The following SRPX variants were observed in gnomAD, a reference collection of about 807,000 sequenced individuals.
SRPX encodes the protein sushi repeat-containing protein SRPX.
A neutral mutation model predicts 38.1 loss-of-function variants in SRPX; 24 were observed. That is an observed-to-expected ratio of 0.63 (90% CI 0.46 to 0.89). SRPX has a LOEUF of 0.89. Among genes scored for constraint, SRPX ranks in the 40% least tolerant of loss-of-function variants. The pLI, the probability that SRPX is intolerant of heterozygous loss-of-function variation, is 0.00. For missense variants in SRPX, 416 were observed against 377.8 expected (o/e 1.10, Z -0.84); for synonymous variants, 184 against 153.8 (o/e 1.20, Z -1.45).
rs1269719742 is a variant in SRPX, at chrX:38,199,426, TA to T, written c.98-21083del. The stretch of plus-strand genomic sequence containing the variant: ...ATCTCAAAAAAATAATAATAATAAT[TA>T]AAAAAAATAAAAAAAGTGTGATATT... On this transcript the variant is annotated intron_variant, in intron 1 of 9. Coordinates refer to ENST00000378533, the MANE Select transcript of SRPX (RefSeq NM_006307.5). Among the ~76,000 whole-genome samples, 357 of 107,968 alleles carry T rather than the reference TA, an allele frequency of 3.3e-3. 1 individual carries two copies. The highest frequency in any genetic ancestry group is 5.7e-3 in the Non-Finnish European group (299 of 52,035). The allele number at this position is 107,968 out of a possible 115,157, so 93.8% of individuals were successfully genotyped here. A position where few individuals can be genotyped will look rare whatever the true frequency, so the allele number is the denominator to read the frequency against.
intron 1 of SRPX, among the ~76,000 whole-genome samples, chrX:38,186,974 T>C (rs1221573764): frequency 1.8e-5 from 2 of 111,570 alleles, no homozygotes; most frequent in Non-Finnish European, 3.8e-5. Flanking sequence ...CAACAAACCA[T>C]AAGCTTTGCT....
rs1018467944 is a variant in SRPX, at chrX:38,200,464, A to T, written c.97+20232T>A. ...TAAAGCAGAAGAAGGACACTGTCTT[A>T]GTCCATTGTCTGTTGTTAAAATACC... On this transcript the variant is annotated intron_variant, in intron 1 of 9. Coordinates refer to ENST00000378533, the MANE Select transcript of SRPX (RefSeq NM_006307.5). Among the ~76,000 whole-genome samples, 10 of 112,349 alleles carry T rather than the reference A, an allele frequency of 8.9e-5. No homozygotes were observed. In the East Asian group the frequency reaches 2.5e-3, roughly 28 times the overall value.
chrX:38,154,263 A>G (rs1160666924), intron 9 of SRPX, among the ~76,000 whole-genome samples, 199 bp downstream of exon 9: 1 of 111,910 alleles, frequency 8.9e-6, no homozygotes, highest in Admixed American at 9.5e-5. Flanking sequence ...AAGAAAGAAC[A>G]CTGGTAATTA....
In SRPX at chrX:38,213,439, T is replaced by C. The variant is rs142935209; in HGVS notation, c.97+7257A>G. 3.1e-3 allele frequency among the ~76,000 whole-genome samples: 343 copies of C among 111,326 alleles called. 4 individuals carry two copies. The highest frequency in any genetic ancestry group is 0.011 in the African/African-American group (330 of 30,610). ...AAGCAAATGGTATAGAGAGGAAGCA[T>C]TTGGGACTCTGACAACCTCAAAAGA... On this transcript the variant is annotated intron_variant, in intron 1 of 9. Transcript: ENST00000378533.
At chrX:38,171,786 G>A (rs1938474419) in intron 4 of SRPX, 95 bp downstream of exon 4, 3 of 934,305 alleles carry the variant, frequency 3.2e-6, no homozygotes, top group South Asian at 4.7e-5. Context: ...AGGCCTTACA[G>A]GAGGAATAGT....
At position 38,164,791 on chromosome X, in the gene SRPX, TGTCTCTTCCTTCGG is replaced by T; in HGVS notation, c.617_630del (p.Pro206HisfsTer8). 1 of 1,210,935 alleles carries T rather than the reference TGTCTCTTCCTTCGG, an allele frequency of 8.3e-7. No individual in the cohort carries two copies. The highest frequency in any genetic ancestry group is 1.1e-6 in the Non-Finnish European group (1 of 895,061). On this transcript the variant is annotated frameshift_variant, in exon 5 of 10. Transcript: ENST00000378533. LOFTEE classifies it high-confidence loss of function. ...TACTCAGTAAGAATTCCATCTGCTG[TGTCTCTTCCTTCGG>T]GTGTCTCCCAGGACACCCGGACTGT... is the stretch of plus-strand genomic sequence containing the variant.
At chrX:38,176,668 C>T (rs188303233) in intron 2 of SRPX, among the ~76,000 whole-genome samples, 35 of 111,252 alleles carry the variant, frequency 3.1e-4, no homozygotes, top group African/African-American at 1.0e-3. Context: ...TGGCGTGTGC[C>T]TGTAGTCCCA....
chrX:38,190,826 T>G (rs1394765688), intron 1 of SRPX, among the ~76,000 whole-genome samples: 3 of 111,733 alleles, frequency 2.7e-5, no homozygotes, highest in Non-Finnish European at 5.6e-5. Context: ...TTTGGAAAAC[T>G]GCATTATTCC....
intron 9 of SRPX, 119 bp from the exon 10 acceptor site, chrX:38,150,013 T>TAGTATAAA: frequency 5.1e-6 from 3 of 590,099 alleles, no homozygotes; most frequent in Non-Finnish European, 7.5e-6. Context: ...AATGAAGGAC[T>TAGTATAAA]GAATCATCCT....
intron 4 of SRPX, among the ~76,000 whole-genome samples, chrX:38,167,787 C>A (rs1358727079): frequency 9.0e-6 from 1 of 111,122 alleles, no homozygotes; most frequent in African/African-American, 3.3e-5. Flanking sequence ...TCGAGACAGG[C>A]TCTCACTCTG....
intron 4 of SRPX, among the ~76,000 whole-genome samples, chrX:38,171,135 C>G (rs768065854): frequency 6.6e-4 from 74 of 111,432 alleles, no homozygotes; most frequent in African/African-American, 2.3e-3. Context: ...ATCCTAGGAC[C>G]CACCGCAGAC....
chrX:38,161,123 A>G, intron 5 of SRPX, 69 bp from the exon 6 acceptor site: 15 of 1,147,621 alleles, frequency 1.3e-5, no homozygotes, highest in Non-Finnish European at 1.8e-5. Flanking sequence ...ACGATCCCCT[A>G]CTCTTTACAG....
chrX:38,208,095 A>T (rs1401478290), intron 1 of SRPX, among the ~76,000 whole-genome samples: 1 of 112,307 alleles, frequency 8.9e-6, no homozygotes, highest in Non-Finnish European at 1.9e-5. Flanking sequence ...AGGCAATGGC[A>T]TGGAAATTTA....
At position 38,149,756 on chromosome X, in the gene SRPX, T is replaced by C. The variant is rs759831594; in HGVS notation, c.1350A>G (p.Glu450=). The part of the protein sequence containing the change: ...NLIDTFPLRK[E]EMVLQAEMSQ... ...TCATTTCGGCTTGTAGGACCATCTC[T>C]TCTTTTCTCAAGGGAAAAGTGTCAA... The change falls in exon 10 of 10, where the codon GAA becomes GAG. Residue 450 remains glutamate (E), a synonymous_variant. Coordinates refer to ENST00000378533, the MANE Select transcript of SRPX (RefSeq NM_006307.5). 3.3e-6 allele frequency: 4 copies of C among 1,211,503 alleles called. No homozygotes were observed. The South Asian group carries it at 7.0e-5, about 21-fold the overall frequency.
intron 1 of SRPX, among the ~76,000 whole-genome samples, chrX:38,205,408 T>C (rs1939190312): frequency 8.9e-6 from 1 of 111,977 alleles, no homozygotes; most frequent in African/African-American, 3.2e-5. Flanking sequence ...TTTTTCTTGT[T>C]ATTGAGTTTA....
At chrX:38,209,000 A>T (rs765095516) in intron 1 of SRPX, among the ~76,000 whole-genome samples, 35 of 42,642 alleles carry the variant, frequency 8.2e-4, no homozygotes, top group East Asian at 2.5e-3. Context: ...ATATATATAT[A>T]TTTTTTTTTT....
intron 2 of SRPX, 84 bp downstream of exon 2, chrX:38,178,201 T>C: frequency 1.4e-6 from 1 of 737,477 alleles, no homozygotes; most frequent in Non-Finnish European, 2.1e-6. Flanking sequence ...TCTGGTCACT[T>C]TATTACAATC....
chrX:38,160,434 A>G (rs1295225661), intron 6 of SRPX, among the ~76,000 whole-genome samples: 1 of 112,255 alleles, frequency 8.9e-6, no homozygotes, highest in Non-Finnish European at 1.9e-5. Context: ...TAGATGAGGA[A>G]GTGAAGTCCA....
At chrX:38,208,202 C>G (rs1222954021) in intron 1 of SRPX, among the ~76,000 whole-genome samples, 1 of 111,578 alleles carries the variant, frequency 9.0e-6, no homozygotes, top group Non-Finnish European at 1.9e-5. Context: ...GTAAAGTGCA[C>G]AAATCTTAAG....
Sources: gnomAD v4.1 joint callset for allele counts (sites outside exome capture counted in the v4.1 genomes callset) on GRCh38, gnomAD v4.1.1 for gene constraint, MANE v1.5 for transcripts, NCBI Gene and HGNC (gene_info 2026-07-23, HGNC 2026-07-21) for gene names.